STARD13: variants seen among roughly 807,000 people sequenced by gnomAD.
STARD13 encodes the protein StAR related lipid transfer domain containing 13, also known as stAR-related lipid transfer protein 13.
Under a neutral mutation model 106.4 loss-of-function variants are expected in STARD13, and 62 were observed. That is an observed-to-expected ratio of 0.58 (90% CI 0.48 to 0.72). STARD13 has a LOEUF of 0.72. Among genes scored for constraint, STARD13 ranks in the 30% least tolerant of loss-of-function variants. The probability of loss-of-function intolerance (pLI) is 0.00; values close to 1 mark genes in which losing one functional copy is unlikely to be tolerated. For synonymous variants in STARD13, 565 were observed against 553.0 expected (o/e 1.02, Z -0.31); for missense variants, 1,387 against 1,424.0 (o/e 0.97, Z 0.42).
chr13:33,479,935 C>T, the STARD13 span, among the ~76,000 whole-genome samples: 3 of 152,170 alleles, frequency 2.0e-5, no homozygotes, highest in Admixed American at 6.5e-5. Context: ...CATCATGCTT[C>T]CTGTATAGCT....
the STARD13 span, among the ~76,000 whole-genome samples, chr13:33,631,214 T>C: frequency 6.6e-6 from 1 of 152,244 alleles, no homozygotes; most frequent in Admixed American, 6.5e-5. Context: ...TAGGGATTTA[T>C]AAACACTACA....
At chr13:33,473,187 T>G in the STARD13 span, among the ~76,000 whole-genome samples, 1 of 152,212 alleles carries the variant, frequency 6.6e-6, no homozygotes, top group Non-Finnish European at 1.5e-5. Context: ...GATACTATCC[T>G]GCTTCAGAGA....
chr13:33,650,018 C>T, the STARD13 span, among the ~76,000 whole-genome samples: 1 of 152,032 alleles, frequency 6.6e-6, no homozygotes, highest in Non-Finnish European at 1.5e-5. Context: ...TTACTCTCAG[C>T]CACTTGAGTG....
the STARD13 span, among the ~76,000 whole-genome samples, chr13:33,591,842 A>G: frequency 6.6e-6 from 1 of 152,232 alleles, no homozygotes; most frequent in Admixed American, 6.5e-5. Flanking sequence ...TTATTTGGAC[A>G]GCTTTAAGCT....
chr13:33,127,798 T>C (rs1255546269), intron 5 of STARD13, among the ~76,000 whole-genome samples: 2 of 148,822 alleles, frequency 1.3e-5, no homozygotes, highest in Non-Finnish European at 3.0e-5. Context: ...GGAAATATTA[T>C]GTTTGTTTAT....
At chr13:33,561,963 T>C in the STARD13 span, among the ~76,000 whole-genome samples, 1 of 147,096 alleles carries the variant, frequency 6.8e-6, no homozygotes, top group South Asian at 2.1e-4. Flanking sequence ...TTTTAAAAAT[T>C]TAGCAGCTTA....
intron 7 of STARD13, among the ~76,000 whole-genome samples, chr13:33,123,977 G>T (rs13378338): frequency 0.012 from 1,848 of 152,328 alleles, 41 homozygotes; most frequent in African/African-American, 0.04. Context: ...GAGATCTCAA[G>T]GCCTTGGGCA....
At chr13:33,672,822 T>C in the STARD13 span, among the ~76,000 whole-genome samples, 1 of 152,238 alleles carries the variant, frequency 6.6e-6, no homozygotes, top group Non-Finnish European at 1.5e-5. Context: ...CTAAATAACA[T>C]GCTATCCATC....
chr13:33,187,544 T>A (rs556793780), intron 1 of STARD13, among the ~76,000 whole-genome samples: 7 of 152,322 alleles, frequency 4.6e-5, no homozygotes, highest in African/African-American at 1.7e-4. Context: ...GACTTCTATC[T>A]TTATTTGTCA....
chr13:33,661,444 T>A, the STARD13 span: 1 of 152,246 alleles, frequency 6.6e-6, no homozygotes, highest in Non-Finnish European at 1.5e-5. Context: ...AAAACTGTAG[T>A]GTGTGTAGGT....
At chr13:33,424,052 C>A in the STARD13 span, among the ~76,000 whole-genome samples, 4 of 151,918 alleles carry the variant, frequency 2.6e-5, no homozygotes, top group East Asian at 3.9e-4. Context: ...ATGTAACAAA[C>A]CTGCATGTTG....
At chr13:33,410,179 G>A in the STARD13 span, among the ~76,000 whole-genome samples, 1 of 152,188 alleles carries the variant, frequency 6.6e-6, no homozygotes, top group African/African-American at 2.4e-5. Context: ...TCCTTTGTAG[G>A]AATATACTTC....
chr13:33,558,170 T>G, the STARD13 span, among the ~76,000 whole-genome samples: 23 of 152,266 alleles, frequency 1.5e-4, no homozygotes, highest in African/African-American at 5.3e-4. Flanking sequence ...TCTCCCAAGG[T>G]TTTTTTCACT....
chr13:33,555,648 T>C, the STARD13 span, among the ~76,000 whole-genome samples: 30 of 152,188 alleles, frequency 2.0e-4, no homozygotes, highest in East Asian at 5.6e-3. Flanking sequence ...ATGGAAAGAG[T>C]AAACAACTTG....
At chr13:33,470,112 T>C in the STARD13 span, among the ~76,000 whole-genome samples, 1 of 152,180 alleles carries the variant, frequency 6.6e-6, no homozygotes, top group African/African-American at 2.4e-5. Flanking sequence ...TGTGTTCTCA[T>C]TGTTCAACTC....
the STARD13 span, among the ~76,000 whole-genome samples, chr13:33,495,277 T>C: frequency 2.0e-5 from 3 of 152,226 alleles, no homozygotes; most frequent in Non-Finnish European, 4.4e-5. Context: ...TAGACATCAC[T>C]TAAGCCAATT....
In STARD13 at chr13:33,329,402, AT is replaced by A. The variant is rs144879314; in HGVS notation, c.124+20887del. On this transcript the variant is annotated intron_variant, in intron 1 of 5. Transcript: ENST00000567873. Reference sequence around the variant, plus strand: ...TATCTATTCCCTGTATATAATTACCATTTTGGCACCCTTTGACCAAAATCAC... The same window carrying A: ...TATCTATTCCCTGTATATAATTACCATTTGGCACCCTTTGACCAAAATCAC... Among the ~76,000 whole-genome samples, 590 of 152,282 alleles carry A rather than the reference AT, an allele frequency of 3.9e-3. 2 individuals are homozygous for A. The highest frequency in any genetic ancestry group is 0.014 in the African/African-American group (574 of 41,546).
At chr13:33,278,359 C>T (rs1258318411) in intron 1 of STARD13, 1 of 152,162 alleles carries the variant, frequency 6.6e-6, no homozygotes, top group African/African-American at 2.4e-5. Context: ...TGTGGATAAT[C>T]TCCATGCTAT....
At chr13:33,225,753 T>TA (rs5802674) in intron 1 of STARD13, among the ~76,000 whole-genome samples, 2,967 of 148,698 alleles carry the variant, frequency 0.02, 95 homozygotes, top group African/African-American at 0.068. Flanking sequence ...TTTCCTTAAT[T>TA]AAAAAAAAAA....
Sources: allele counts gnomAD v4.1 joint callset (sites outside exome capture counted in the v4.1 genomes callset), GRCh38; gene constraint gnomAD v4.1.1; transcripts MANE v1.5; gene names NCBI Gene and HGNC (gene_info 2026-07-23, HGNC 2026-07-21).